Variants in TNKS observed in about 807,000 individuals in gnomAD.
TNKS encodes poly [ADP-ribose] polymerase tankyrase-1.
In TNKS, 72 loss-of-function variants were observed where a neutral mutation model predicts 135.8. The observed-to-expected ratio is 0.53, with a 90% confidence interval of 0.44 to 0.64. TNKS has a LOEUF of 0.64. Among genes scored for constraint, TNKS ranks in the 30% least tolerant of loss-of-function variants. The pLI is 0.00. For synonymous variants in TNKS, 849 were observed against 649.3 expected (o/e 1.31, Z -4.68); for missense variants, 1,769 against 1,674.0 (o/e 1.06, Z -0.99).
At chr8:9,772,795 G>C (rs897104339) in intron 26 of TNKS, among the ~76,000 whole-genome samples, 7 of 124,628 alleles carry the variant, frequency 5.6e-5, no homozygotes, top group African/African-American at 2.3e-4. Context: ...TGGGGAGAAT[G>C]TGTGTGTGTG....
intron 3 of TNKS, among the ~76,000 whole-genome samples, chr8:9,657,594 G>A (rs1389255152): frequency 3.5e-5 from 3 of 86,632 alleles, no homozygotes; most frequent in Admixed American, 9.7e-5. Flanking sequence ...GGCTGGCCGG[G>A]CGGAGGGCTG....
intron 5 of TNKS, among the ~76,000 whole-genome samples, chr8:9,699,897 C>G (rs193172035): frequency 6.6e-5 from 10 of 152,324 alleles, no homozygotes; most frequent in Non-Finnish European, 1.2e-4. Flanking sequence ...TCTCCCCAGT[C>G]TCATACACTA....
At chr8:9,706,363 T>C in intron 7 of TNKS, 110 bp downstream of exon 7, 2 of 874,864 alleles carry the variant, frequency 2.3e-6, no homozygotes, top group Non-Finnish European at 3.4e-6. Flanking sequence ...TTCTTTGGGG[T>C]TTTTTGTTTG....
chr8:9,634,749 A>T (rs1425758907), intron 3 of TNKS, among the ~76,000 whole-genome samples: 2 of 152,198 alleles, frequency 1.3e-5, no homozygotes, highest in Non-Finnish European at 2.9e-5. Context: ...AGTGGAGCAC[A>T]CCTGCTTCCA....
At chr8:9,776,098 T>C (rs1479329093) in intron 26 of TNKS, among the ~76,000 whole-genome samples, 12 of 152,168 alleles carry the variant, frequency 7.9e-5, no homozygotes, top group Non-Finnish European at 1.5e-5. Flanking sequence ...CCAGTCTAAA[T>C]CGGAGCCCTT....
At chr8:9,735,628 G>A (rs4841210) in intron 17 of TNKS, 142 bp downstream of exon 17, 7 of 627,498 alleles carry the variant, frequency 1.1e-5, no homozygotes, top group African/African-American at 1.9e-5. Flanking sequence ...GTGAAACCCC[G>A]TCTCTACTAA....
At chr8:9,731,432 C>T (rs1348707872) in intron 14 of TNKS, among the ~76,000 whole-genome samples, 3 of 131,808 alleles carry the variant, frequency 2.3e-5, no homozygotes, top group African/African-American at 5.7e-5. Context: ...TGCACTCCAG[C>T]TTGGGCAACA....
chr8:9,661,158 C>G (rs1253325879), intron 3 of TNKS, among the ~76,000 whole-genome samples: 3 of 151,882 alleles, frequency 2.0e-5, no homozygotes, highest in Non-Finnish European at 4.4e-5. Flanking sequence ...GCCATACTGC[C>G]CAAGGTAATT....
intron 8 of TNKS, 140 bp downstream of exon 8, chr8:9,707,137 CT>C: frequency 1.4e-6 from 1 of 729,812 alleles, no homozygotes; most frequent in Non-Finnish European, 2.1e-6. Flanking sequence ...GTATACTTTT[CT>C]TCATGAATTC....
At chr8:9,767,418 T>C (rs987708713) in intron 25 of TNKS, among the ~76,000 whole-genome samples, 24 of 152,238 alleles carry the variant, frequency 1.6e-4, no homozygotes, top group African/African-American at 5.3e-4. Context: ...AAATGCATTC[T>C]TTTTAACAAG....
chr8:9,667,832 C>G (rs1291163927), intron 3 of TNKS, among the ~76,000 whole-genome samples: 1 of 127,344 alleles, frequency 7.9e-6, no homozygotes, highest in Admixed American at 8.7e-5. Flanking sequence ...CATTTAAGCC[C>G]TTCTGGGTTT....
At chr8:9,661,479 G>T (rs951969334) in intron 3 of TNKS, among the ~76,000 whole-genome samples, 14 of 152,122 alleles carry the variant, frequency 9.2e-5, no homozygotes, top group African/African-American at 3.4e-4. Flanking sequence ...AACAAGCAAT[G>T]GGGAAAGGAT....
chr8:9,635,695 C>T (rs920306516), intron 3 of TNKS, among the ~76,000 whole-genome samples: 1 of 152,136 alleles, frequency 6.6e-6, no homozygotes, highest in African/African-American at 2.4e-5. Context: ...GAGAAGGTCA[C>T]AACATTTCTT....
At position 9,656,327 on chromosome 8, in the gene TNKS, T is replaced by C. The variant is rs1004602517; in HGVS notation, c.995-23624T>C. ...TGGGAGAACACTCTGCAGGATATTA[T>C]CCAGGAGAACTTCCCAAACCTAGCA... On this transcript the variant is annotated intron_variant, in intron 3 of 26. Transcript: ENST00000310430. 4.4e-4 allele frequency among the ~76,000 whole-genome samples: 67 copies of C among 152,276 alleles called. 1 individual carries two copies. The highest frequency in any genetic ancestry group is 1.5e-4 in the Non-Finnish European group (10 of 68,032).
chr8:9,559,787 A>G lies in TNKS; in HGVS notation c.673+3175A>G, dbSNP rs1563377360. Among the ~76,000 whole-genome samples, 3 of 152,326 alleles carry G rather than the reference A, an allele frequency of 2.0e-5. No individual in the cohort carries two copies. The East Asian group carries it at 5.8e-4, about 29-fold the overall frequency. On this transcript the variant is annotated intron_variant, in intron 1 of 26. Coordinates refer to ENST00000310430, the MANE Select transcript of TNKS (RefSeq NM_003747.3). ...ATCACTTTATTTATATTACCTTAAG[A>G]ATAATCATATTCTTTCCAGCAGTAA... is the stretch of plus-strand genomic sequence containing the variant.
intron 3 of TNKS, among the ~76,000 whole-genome samples, chr8:9,650,587 A>G (rs1801110074): frequency 6.6e-6 from 1 of 151,950 alleles, no homozygotes; most frequent in Non-Finnish European, 1.5e-5. Context: ...ATTTTTTCAT[A>G]TGTTTGTTGG....
chr8:9,772,809 TTGTGTGTGTGTGTGTGTGTGTCTGTG>T (rs1459362099), intron 26 of TNKS, among the ~76,000 whole-genome samples: 21 of 86,692 alleles, frequency 2.4e-4, no homozygotes, highest in South Asian at 3.9e-4. Flanking sequence ...GTGTGTGTGT[TTGTGTGTGTGTGTGTGTGTGTCTGTG>T]TGTGTGTGTG....
At chr8:9,617,021 A>C (rs1354148223) in intron 3 of TNKS, among the ~76,000 whole-genome samples, 1 of 152,194 alleles carries the variant, frequency 6.6e-6, no homozygotes, top group Non-Finnish European at 1.5e-5. Flanking sequence ...TTGTATATCT[A>C]AATGTCCTCC....
At chr8:9,754,519 T>C (rs1806734117) in intron 20 of TNKS, among the ~76,000 whole-genome samples, 1 of 152,176 alleles carries the variant, frequency 6.6e-6, no homozygotes, top group Admixed American at 6.6e-5. Flanking sequence ...CTCTCTTTTT[T>C]TTAGCTACAT....
Sources: allele counts gnomAD v4.1 joint callset (sites outside exome capture counted in the v4.1 genomes callset), GRCh38; gene constraint gnomAD v4.1.1; transcripts MANE v1.5; gene names NCBI Gene and HGNC (gene_info 2026-07-23, HGNC 2026-07-21).